The following SHC3 variants were observed in gnomAD, a reference collection of about 807,000 sequenced individuals.
SHC3 encodes the protein SHC adaptor protein 3.
SHC3 carries 15 observed loss-of-function variants against 60.4 expected under a neutral mutation model. The observed-to-expected ratio is 0.25, with a 90% CI of 0.17 to 0.38. The LOEUF is 0.38. SHC3 is among the 10% of genes least tolerant of loss of function. SHC3 has a pLI of 1.00. For synonymous variants in SHC3, 294 were observed against 325.9 expected (o/e 0.90, Z 1.05); for missense variants, 677 against 786.1 (o/e 0.86, Z 1.66).
rs114724236 is a variant in SHC3 at position 89,171,198 on chromosome 9, T to C, written c.474+6789A>G. Among the ~76,000 whole-genome samples the C allele has an allele frequency of 6.1e-3, 922 of 152,076 alleles. 9 individuals are homozygous for C. Among genetic ancestry groups the C allele is most frequent in the African/African-American group, 0.021 (863 of 41,464 alleles). Reference sequence around the variant, plus strand: ...CCTCTGCTAAATACCACCTTAGGGGTAAATTCCTTGTCAACAGAGCTAGAA... The same window carrying C: ...CCTCTGCTAAATACCACCTTAGGGGCAAATTCCTTGTCAACAGAGCTAGAA... On this transcript the variant is annotated intron_variant, in intron 1 of 11. Transcript: ENST00000375835.
At chr9:89,048,654 T>C (rs1824812212) in intron 7 of SHC3, among the ~76,000 whole-genome samples, 1 of 152,230 alleles carries the variant, frequency 6.6e-6, no homozygotes, top group African/African-American at 2.4e-5. Context: ...AATTTGATTA[T>C]ATATGAATTA....
In SHC3 at chr9:89,091,320, T is replaced by A. The variant is rs757799366; in HGVS notation, c.546-13417A>T. On this transcript the variant is annotated intron_variant, in intron 2 of 11. Coordinates refer to ENST00000375835, the MANE Select transcript of SHC3 (RefSeq NM_016848.6). ...CAGAAGTTAATGGCACACAAACAAA[T>A]GCATCAGCAGAAAACAAATGTTACC... Among the ~76,000 whole-genome samples the A allele has an allele frequency of 3.9e-4, 60 of 152,054 alleles. 1 individual carries two copies. The highest frequency in any genetic ancestry group is 1.4e-3 in the Admixed American group (21 of 15,266).
At chr9:89,119,868 C>G (rs940622500) in intron 1 of SHC3, among the ~76,000 whole-genome samples, 12 of 152,168 alleles carry the variant, frequency 7.9e-5, no homozygotes. Flanking sequence ...AATGTGGGAA[C>G]AGGCGAGTCA....
intron 1 of SHC3, among the ~76,000 whole-genome samples, chr9:89,117,910 T>C (rs1204336934): frequency 6.6e-6 from 1 of 152,194 alleles, no homozygotes; most frequent in East Asian, 1.9e-4. Context: ...ATTTAATAAG[T>C]CATCCATTTA....
intron 1 of SHC3, among the ~76,000 whole-genome samples, chr9:89,130,459 T>C (rs1826228113): frequency 6.6e-6 from 1 of 152,216 alleles, no homozygotes; most frequent in Non-Finnish European, 1.5e-5. Flanking sequence ...CAACAGAATA[T>C]ACATTCTTCT....
chr9:89,026,095 C>G (rs1392767002), intron 11 of SHC3, among the ~76,000 whole-genome samples: 2 of 151,884 alleles, frequency 1.3e-5, no homozygotes, highest in Admixed American at 1.3e-4. Context: ...AATACACACA[C>G]ACACCCCAAA....
At position 89,011,813 on chromosome 9, in the gene SHC3, A is replaced by T. The variant is rs1262970831; in HGVS notation, c.*1634T>A. On this transcript the variant is annotated 3_prime_UTR_variant, in exon 12 of 12. Coordinates refer to ENST00000375835, the MANE Select transcript of SHC3 (RefSeq NM_016848.6). ...ATTCACTGGACCCTCAAAGGCAAAG[A>T]CTCCCTAGAAGGCCATGTATGAAGG... 1 of 151,924 alleles carries T rather than the reference A, an allele frequency of 6.6e-6. No homozygotes were observed. The highest frequency in any genetic ancestry group is 1.5e-5 in the Non-Finnish European group (1 of 68,074). 9.4% of individuals were successfully genotyped at this position (151,924 alleles called of 1,614,324 possible).
intron 9 of SHC3, among the ~76,000 whole-genome samples, chr9:89,045,321 C>A (rs1824754234): frequency 7.2e-6 from 1 of 139,628 alleles, no homozygotes; most frequent in African/African-American, 2.8e-5. Context: ...GCTGTTGTTG[C>A]CCAGGCTGGA....
chr9:89,046,633 A>G (rs1418907989), intron 8 of SHC3, among the ~76,000 whole-genome samples: 1 of 152,192 alleles, frequency 6.6e-6, no homozygotes, highest in Non-Finnish European at 1.5e-5. Flanking sequence ...ATCACCACAC[A>G]GTTCCAAAGC....
chr9:89,160,015 T>C (rs1377828393), intron 1 of SHC3, among the ~76,000 whole-genome samples: 2 of 152,322 alleles, frequency 1.3e-5, no homozygotes, highest in East Asian at 3.9e-4. Flanking sequence ...AGCAACACAC[T>C]GGTCACTTCA....
intron 1 of SHC3, among the ~76,000 whole-genome samples, chr9:89,144,021 G>A (rs1826432702): frequency 2.0e-5 from 3 of 152,134 alleles, no homozygotes; most frequent in African/African-American, 7.2e-5. Flanking sequence ...ATCAGGGCCT[G>A]ATTCTGAGTT....
chr9:89,112,933 G>T (rs930591642), intron 1 of SHC3, among the ~76,000 whole-genome samples: 30 of 151,980 alleles, frequency 2.0e-4, no homozygotes, highest in African/African-American at 7.2e-4. Flanking sequence ...GAAATCCAGG[G>T]ATCTTAAATG....
chr9:89,143,510 G>T (rs1029218814), intron 1 of SHC3, among the ~76,000 whole-genome samples: 1 of 152,188 alleles, frequency 6.6e-6, no homozygotes, highest in African/African-American at 2.4e-5. Flanking sequence ...AGATGGAGTT[G>T]CTCTGGTTCA....
intron 1 of SHC3, among the ~76,000 whole-genome samples, chr9:89,159,253 G>A (rs1319949812): frequency 6.6e-6 from 1 of 152,186 alleles, no homozygotes; most frequent in Non-Finnish European, 1.5e-5. Context: ...AAACTCTACA[G>A]ATAGAATATA....
chr9:89,175,073 T>C (rs957657636), intron 1 of SHC3, among the ~76,000 whole-genome samples: 1 of 152,274 alleles, frequency 6.6e-6, no homozygotes, highest in Non-Finnish European at 1.5e-5. Context: ...AAATATCAAA[T>C]ACTTTTAAAA....
rs1826043040 is a variant in SHC3, at chr9:89,013,487, C to T, written c.1745G>A (p.Ser582Asn). 8 of 1,613,810 alleles carry T rather than the reference C, an allele frequency of 5.0e-6. No individual in the cohort carries two copies. In the East Asian group the frequency reaches 1.8e-4, roughly 36 times the overall value. Reference protein sequence around the residue: ...ESSLPIVSAGSELCLQQPVER... With the variant: ...ESSLPIVSAGNELCLQQPVER... ...CACTGGCTGCTGGAGACACAGCTCA[C>T]TCCCTGCAGAGACAATGGGCAGGCT... The change falls in exon 12 of 12, where the codon AGT becomes AAT. Residue 582 changes from serine (S) to asparagine (N), a missense_variant. By Grantham distance (46) the Ser-to-Asn change is conservative. Coordinates refer to ENST00000375835, the MANE Select transcript of SHC3 (RefSeq NM_016848.6).
At chr9:89,123,052 G>T (rs1428004648) in intron 1 of SHC3, among the ~76,000 whole-genome samples, 2 of 152,178 alleles carry the variant, frequency 1.3e-5, no homozygotes, top group Non-Finnish European at 2.9e-5. Context: ...CAGCCAATCT[G>T]CCAGGTGGGT....
chr9:89,150,382 T>G lies in SHC3; in HGVS notation c.474+27605A>C, dbSNP rs1034165567. Among the ~76,000 whole-genome samples the G allele has an allele frequency of 2.0e-5, 3 of 152,142 alleles. No individual in the cohort carries two copies. The East Asian group carries it at 5.8e-4, about 29-fold the overall frequency. On this transcript the variant is annotated intron_variant, in intron 1 of 11. Coordinates refer to ENST00000375835, the MANE Select transcript of SHC3 (RefSeq NM_016848.6). ...ACTCCCCATCCTCTCCCACACTCAG[T>G]CCCTGGTAATCACTAATCTACTTTC...
chr9:89,036,635 C>G (rs1019816626), intron 11 of SHC3, among the ~76,000 whole-genome samples: 2 of 152,200 alleles, frequency 1.3e-5, no homozygotes, highest in South Asian at 2.1e-4. Context: ...CAGTAATGAT[C>G]TGATAAACAG....
Sources: allele counts gnomAD v4.1 joint callset (sites outside exome capture counted in the v4.1 genomes callset), GRCh38; gene constraint gnomAD v4.1.1; transcripts MANE v1.5; gene names NCBI Gene and HGNC (gene_info 2026-07-23, HGNC 2026-07-21).